CTNNA3: variants seen among roughly 807,000 people sequenced by gnomAD.
The protein encoded by CTNNA3 is catenin alpha-3.
CTNNA3 carries 76 observed loss-of-function variants against 95.7 expected under a neutral mutation model. That is an observed-to-expected ratio of 0.79 (90% CI 0.66 to 0.96). The LOEUF (loss-of-function observed/expected upper bound fraction) is 0.96, where lower values mean the gene tolerates loss of function less well. Among genes scored for constraint, CTNNA3 ranks in the 40% least tolerant of loss-of-function variants. The pLI is 0.00. For missense variants in CTNNA3, 1,191 were observed against 1,089.8 expected, an observed-to-expected ratio of 1.09 and a Z score of -1.31; for synonymous variants, 431 against 374.4, an observed-to-expected ratio of 1.15 and a Z score of -1.74.
chr10:67,755,639 T>C (rs532885041), intron 1 of CTNNA3, among the ~76,000 whole-genome samples: 77 of 151,576 alleles, frequency 5.1e-4, no homozygotes, highest in Non-Finnish European at 1.0e-3. Flanking sequence ...CCATCTCTAC[T>C]AAAAATACAA....
intron 7 of CTNNA3, among the ~76,000 whole-genome samples, chr10:67,067,837 A>C (rs1351514634): frequency 6.6e-6 from 1 of 152,226 alleles, no homozygotes; most frequent in Non-Finnish European, 1.5e-5. Flanking sequence ...TCTCAGTCTC[A>C]TGAATAAATG....
In CTNNA3 at chr10:67,566,041, GTGTATATATATATATATATA is replaced by G. The variant is rs1841766710; in HGVS notation, c.293-26392_293-26373del. Among the ~76,000 whole-genome samples the G allele has an allele frequency of 2.7e-4, 8 of 29,434 alleles. 1 individual carries two copies. The highest frequency in any genetic ancestry group is 5.4e-4 in the African/African-American group (4 of 7,346). 19.3% of individuals were successfully genotyped at this position (29,434 alleles called of 152,430 possible). A position where few individuals can be genotyped will look rare whatever the true frequency, so the allele number is the denominator to read the frequency against. ...AACACACACACACACATATGTGTGT[GTGTATATATATATATATATA>G]TATATATATATACAAAACCTAGGCA... On this transcript the variant is annotated intron_variant, in intron 3 of 17. Transcript: ENST00000433211.
At position 66,173,205 on chromosome 10, in the gene CTNNA3, C is replaced by T. The variant is rs144904131; in HGVS notation, c.1885-69956G>A. 1.2e-4 allele frequency among the ~76,000 whole-genome samples: 18 copies of T among 151,948 alleles called. No individual in the cohort carries two copies. In the East Asian group the frequency reaches 3.1e-3, roughly 26 times the overall value. ...TTACCATGATAAGTGAGTTGTGGAA[C>T]CTTAAAAAACATCTATGTTTGCATT... On this transcript the variant is annotated intron_variant, in intron 13 of 17. Coordinates refer to ENST00000433211, the MANE Select transcript of CTNNA3 (RefSeq NM_013266.4).
At chr10:67,353,694 G>A (rs759815860) in intron 5 of CTNNA3, among the ~76,000 whole-genome samples, 22 of 151,926 alleles carry the variant, frequency 1.4e-4, no homozygotes, top group Admixed American at 2.6e-4. Context: ...GATGCTTGAG[G>A]TCAGGTACCA....
chr10:67,191,303 G>A (rs1863109004), intron 6 of CTNNA3, among the ~76,000 whole-genome samples: 1 of 151,862 alleles, frequency 6.6e-6, no homozygotes, highest in Non-Finnish European at 1.5e-5. Context: ...AGGAAAAAAA[G>A]AAGTAAAATT....
intron 1 of CTNNA3, among the ~76,000 whole-genome samples, chr10:67,728,117 G>T (rs1164383026): frequency 7.1e-6 from 1 of 141,308 alleles, no homozygotes; most frequent in Non-Finnish European, 1.5e-5. Flanking sequence ...ATACATAGGT[G>T]TATATATAAC....
At chr10:67,042,630 G>T (rs1854474247) in intron 7 of CTNNA3, among the ~76,000 whole-genome samples, 1 of 151,914 alleles carries the variant, frequency 6.6e-6, no homozygotes, top group Non-Finnish European at 1.5e-5. Flanking sequence ...AGTCATGGAA[G>T]AGAAGGAACG....
At chr10:66,989,943 T>C (rs1281333426) in intron 7 of CTNNA3, among the ~76,000 whole-genome samples, 1 of 152,158 alleles carries the variant, frequency 6.6e-6, no homozygotes, top group Non-Finnish European at 1.5e-5. Flanking sequence ...TTGAACTTCA[T>C]TAAAAAATTA....
At chr10:66,576,089 A>G (rs573911572) in intron 10 of CTNNA3, among the ~76,000 whole-genome samples, 5 of 152,232 alleles carry the variant, frequency 3.3e-5, no homozygotes, top group African/African-American at 1.2e-4. Context: ...CAGTGTGTCC[A>G]TTGATGAGAG....
At chr10:67,572,238 T>C (rs1305198369) in intron 3 of CTNNA3, among the ~76,000 whole-genome samples, 1 of 152,206 alleles carries the variant, frequency 6.6e-6, no homozygotes, top group East Asian at 1.9e-4. Context: ...ATTTTTAAAA[T>C]ATGACTACCA....
At chr10:65,922,038 T>A (rs1273011169) in intron 17 of CTNNA3, among the ~76,000 whole-genome samples, 1 of 152,168 alleles carries the variant, frequency 6.6e-6, no homozygotes, top group Non-Finnish European at 1.5e-5. Flanking sequence ...ACAAAGGAAC[T>A]GGAAGGTCTG....
intron 5 of CTNNA3, among the ~76,000 whole-genome samples, chr10:67,347,990 T>A (rs1192563891): frequency 6.6e-6 from 1 of 151,886 alleles, no homozygotes; most frequent in Non-Finnish European, 1.5e-5. Flanking sequence ...AACGTCAATA[T>A]AAAAAACAAG....
At chr10:67,367,381 T>C (rs1321976290) in intron 5 of CTNNA3, among the ~76,000 whole-genome samples, 3 of 151,608 alleles carry the variant, frequency 2.0e-5, no homozygotes, top group Non-Finnish European at 4.4e-5. Flanking sequence ...CTTACACAAG[T>C]CAGAATGTCT....
intron 7 of CTNNA3, among the ~76,000 whole-genome samples, chr10:67,007,491 G>C (rs1184441777): frequency 6.6e-6 from 1 of 151,310 alleles, no homozygotes; most frequent in East Asian, 1.9e-4. Context: ...TTGACAAGCA[G>C]GACTTTCACA....
chr10:66,097,117 C>T (rs1434842570), intron 14 of CTNNA3, among the ~76,000 whole-genome samples: 2 of 152,156 alleles, frequency 1.3e-5, no homozygotes, highest in African/African-American at 2.4e-5. Context: ...AATCACAATG[C>T]CTTCTTCCTT....
chr10:66,727,847 T>C (rs576634485), intron 9 of CTNNA3, among the ~76,000 whole-genome samples: 3 of 152,188 alleles, frequency 2.0e-5, no homozygotes, highest in Non-Finnish European at 4.4e-5. Context: ...TAAAATTTAG[T>C]AGATTATGGT....
At chr10:66,667,501 G>A (rs2132461379) in intron 9 of CTNNA3, among the ~76,000 whole-genome samples, 1 of 152,078 alleles carries the variant, frequency 6.6e-6, no homozygotes, top group South Asian at 2.1e-4. Flanking sequence ...AGGTATTAAT[G>A]TTACTAACTG....
intron 5 of CTNNA3, among the ~76,000 whole-genome samples, chr10:67,448,141 C>A (rs1389373219): frequency 6.6e-6 from 1 of 152,008 alleles, no homozygotes. Context: ...TCTTCATGCA[C>A]CAATTCATAT....
At position 66,456,603 on chromosome 10, in the gene CTNNA3, G is replaced by A. The variant is rs1002426593; in HGVS notation, c.1531+64014C>T. On this transcript the variant is annotated intron_variant, in intron 11 of 17. Transcript: ENST00000433211. ...AGGCAGAAGGATCATTTGAACCTGG[G>A]AGGCAGAAGTTGTGGTGAGCCTAGA... Among the ~76,000 whole-genome samples, 25 of 152,026 alleles carry A rather than the reference G, an allele frequency of 1.6e-4. 2 individuals are homozygous for A. Among genetic ancestry groups the A allele is most frequent in the Admixed American group, 1.6e-3 (25 of 15,246 alleles).
Sources: allele counts gnomAD v4.1 joint callset (sites outside exome capture counted in the v4.1 genomes callset), GRCh38; gene constraint gnomAD v4.1.1; transcripts MANE v1.5; gene names NCBI Gene and HGNC (gene_info 2026-07-23, HGNC 2026-07-21).